The following PHF14 variants were observed in gnomAD, a reference collection of about 807,000 sequenced individuals.
PHF14 encodes the protein PHD finger protein 14.
Under a neutral mutation model 117.9 loss-of-function variants are expected in PHF14, and 55 were observed. The observed-to-expected ratio is 0.47, with a 90% CI of 0.38 to 0.58. The LOEUF (loss-of-function observed/expected upper bound fraction) is 0.58, where lower values mean the gene tolerates loss of function less well. PHF14 is among the 20% of genes least tolerant of loss of function. The probability of loss-of-function intolerance (pLI) is 0.00; values close to 1 mark genes in which losing one functional copy is unlikely to be tolerated. For synonymous variants in PHF14, 409 were observed against 368.6 expected (o/e 1.11, Z -1.26); for missense variants, 978 against 1,122.2 (o/e 0.87, Z 1.84).
At chr7:11,107,215 G>C in intron 16 of PHF14, 7 of 984,106 alleles carry the variant, frequency 7.1e-6, no homozygotes, top group Non-Finnish European at 8.4e-6. Flanking sequence ...ATTCTCAATA[G>C]TCAGGTAAAC....
chr7:11,044,802 T>C (rs951612095), intron 13 of PHF14, among the ~76,000 whole-genome samples: 17 of 152,154 alleles, frequency 1.1e-4, no homozygotes, highest in African/African-American at 3.9e-4. Context: ...TAAACGCAGG[T>C]TGAGTATCCC....
At chr7:11,085,473 A>C (rs1786356427) in intron 16 of PHF14, among the ~76,000 whole-genome samples, 1 of 152,156 alleles carries the variant, frequency 6.6e-6, no homozygotes, top group Non-Finnish European at 1.5e-5. Flanking sequence ...TTTGGTGATT[A>C]ATTCTAAAGG....
At chr7:11,168,806 C>A (rs959733951) in intron 17 of PHF14, among the ~76,000 whole-genome samples, 3 of 152,046 alleles carry the variant, frequency 2.0e-5, no homozygotes, top group Non-Finnish European at 4.4e-5. Context: ...ACACAAGATG[C>A]ACTTCATTTC....
intron 4 of PHF14, among the ~76,000 whole-genome samples, chr7:10,997,839 AGT>A (rs1447209290): frequency 2.0e-5 from 3 of 152,224 alleles, no homozygotes; most frequent in Non-Finnish European, 4.4e-5. Context: ...TCAGAGTGCT[AGT>A]ATATTTTATA....
chr7:11,092,534 G>A (rs998978493), intron 16 of PHF14, among the ~76,000 whole-genome samples: 1 of 143,916 alleles, frequency 6.9e-6, no homozygotes. Context: ...GCAAAAACAG[G>A]CCTGGATCTC....
At chr7:10,977,991 A>G (rs1322569031) in intron 2 of PHF14, among the ~76,000 whole-genome samples, 5 of 152,206 alleles carry the variant, frequency 3.3e-5, no homozygotes, top group African/African-American at 7.2e-5. Context: ...TATTACTTCT[A>G]TTAACCAGAC....
chr7:11,076,991 T>G (rs1387094497), intron 16 of PHF14, among the ~76,000 whole-genome samples: 1 of 151,894 alleles, frequency 6.6e-6, no homozygotes, highest in Non-Finnish European at 1.5e-5. Context: ...ATGTTGTATG[T>G]GCACATATTA....
chr7:11,090,036 G>T (rs1330231194), intron 16 of PHF14, among the ~76,000 whole-genome samples: 6 of 152,210 alleles, frequency 3.9e-5, no homozygotes, highest in Non-Finnish European at 7.3e-5. Context: ...CTCCCAAAGT[G>T]CTGGGATTAC....
intron 13 of PHF14, among the ~76,000 whole-genome samples, chr7:11,049,271 G>A (rs1784774552): frequency 6.6e-6 from 1 of 152,004 alleles, no homozygotes; most frequent in Non-Finnish European, 1.5e-5. Flanking sequence ...TCAGGAGTTT[G>A]AGACCAGCTT....
At chr7:11,004,048 G>A (rs1401347528) in intron 4 of PHF14, among the ~76,000 whole-genome samples, 1 of 151,996 alleles carries the variant, frequency 6.6e-6, no homozygotes, top group Non-Finnish European at 1.5e-5. Context: ...AGGAGTTTGA[G>A]ACCAGCCTGG....
intron 16 of PHF14, among the ~76,000 whole-genome samples, chr7:11,087,435 C>T (rs1175304614): frequency 6.6e-6 from 1 of 152,148 alleles, no homozygotes; most frequent in Admixed American, 6.5e-5. Flanking sequence ...TGTGATCCAC[C>T]TGCCTCGGCC....
intron 3 of PHF14, among the ~76,000 whole-genome samples, chr7:10,984,946 C>T: frequency 6.6e-6 from 1 of 152,014 alleles, no homozygotes; most frequent in East Asian, 1.9e-4. Flanking sequence ...CGAAAAGTGC[C>T]CATGTAGAAG....
At chr7:10,987,523 G>T (rs1326441316) in intron 3 of PHF14, among the ~76,000 whole-genome samples, 6 of 152,016 alleles carry the variant, frequency 3.9e-5, no homozygotes, top group African/African-American at 1.4e-4. Flanking sequence ...CTGATGGAAA[G>T]AATGCAATAA....
chr7:11,093,831 G>T (rs1786740172), intron 16 of PHF14, among the ~76,000 whole-genome samples: 1 of 152,048 alleles, frequency 6.6e-6, no homozygotes, highest in African/African-American at 2.4e-5. Flanking sequence ...TCTTGTGAGG[G>T]AGTTTCCTTC....
chr7:11,160,864 G>T (rs1391950574), intron 17 of PHF14, among the ~76,000 whole-genome samples: 2 of 152,048 alleles, frequency 1.3e-5, no homozygotes, highest in Admixed American at 6.6e-5. Context: ...TCTGTAGGTT[G>T]TCTGTTTACT....
intron 17 of PHF14, among the ~76,000 whole-genome samples, chr7:11,158,793 C>T (rs557332048): frequency 6.6e-6 from 1 of 152,194 alleles, no homozygotes; most frequent in South Asian, 2.1e-4. Flanking sequence ...TAGTTGCTTA[C>T]AGATTAGCCT....
chr7:11,005,082 G>A lies in PHF14; in HGVS notation c.1046-8665G>A, dbSNP rs570014120. Among the ~76,000 whole-genome samples the A allele has an allele frequency of 3.3e-5, 5 of 152,122 alleles. No individual in the cohort carries two copies. The East Asian group carries it at 9.6e-4, about 29-fold the overall frequency. Reference sequence around the variant, plus strand: ...GATAGTTTAGGTGATGTCAACCACAGACCTCTTAATTTTAAAGGTTTTTTT... The same window carrying A: ...GATAGTTTAGGTGATGTCAACCACAAACCTCTTAATTTTAAAGGTTTTTTT... On this transcript the variant is annotated intron_variant, in intron 4 of 17. Transcript: ENST00000634607.
intron 4 of PHF14, chr7:11,006,732 T>C: frequency 1.5e-6 from 1 of 675,188 alleles, no homozygotes; most frequent in Non-Finnish European, 2.8e-6. Context: ...CTTGGGCTGC[T>C]GGAAGGTGGG....
chr7:11,110,610 A>T lies in PHF14; in HGVS notation c.2655-740A>T, dbSNP rs960412920. The T allele has an allele frequency of 1.3e-5, 9 of 695,962 alleles. No homozygotes were observed. The South Asian group carries it at 5.2e-4, about 40-fold the overall frequency. The allele number at this position is 695,962 out of a possible 1,614,324, so 43.1% of individuals were successfully genotyped here. ...GGTGGCAAAGACACTATCAAAACATAAGTTTTTAAATGTACTAGGAAGTAC... is the reference window on the plus strand; with the variant it reads ...GGTGGCAAAGACACTATCAAAACATTAGTTTTTAAATGTACTAGGAAGTAC... On this transcript the variant is annotated intron_variant, in intron 16 of 17. Transcript: ENST00000634607.
Sources: gnomAD v4.1 joint callset for allele counts (sites outside exome capture counted in the v4.1 genomes callset) on GRCh38, gnomAD v4.1.1 for gene constraint, MANE v1.5 for transcripts, NCBI Gene and HGNC (gene_info 2026-07-23, HGNC 2026-07-21) for gene names.